The following SH3GL2 variants were observed in gnomAD, a reference collection of about 807,000 sequenced individuals.
The protein encoded by SH3GL2 is endophilin-A1.
SH3GL2 carries 24 observed loss-of-function variants against 46.0 expected under a neutral mutation model. That is an observed-to-expected ratio of 0.52 (90% CI 0.38 to 0.73). SH3GL2 has a LOEUF of 0.73. SH3GL2 is among the 30% of genes least tolerant of loss of function. The pLI is 0.00. For synonymous variants in SH3GL2, 196 were observed against 147.1 expected (o/e 1.33, Z -2.40); for missense variants, 413 against 424.2 (o/e 0.97, Z 0.23).
intron 1 of SH3GL2, among the ~76,000 whole-genome samples, chr9:17,738,866 A>G (rs1456550005): frequency 6.6e-6 from 1 of 151,986 alleles, no homozygotes; most frequent in Non-Finnish European, 1.5e-5. Flanking sequence ...GCCCACCCAC[A>G]TTATGAAGGA....
intron 1 of SH3GL2, among the ~76,000 whole-genome samples, chr9:17,602,682 A>C (rs1417416049): frequency 1.3e-5 from 2 of 152,236 alleles, no homozygotes; most frequent in East Asian, 3.9e-4. Flanking sequence ...TTGATTGTCA[A>C]ATTTTCCTCT....
At chr9:17,618,383 A>T (rs1352066403) in intron 1 of SH3GL2, among the ~76,000 whole-genome samples, 1 of 152,180 alleles carries the variant, frequency 6.6e-6, no homozygotes. Flanking sequence ...TACTTTCTTC[A>T]TACATGGAGA....
intron 7 of SH3GL2, 23 bp from the exon 8 acceptor site, chr9:17,793,344 C>T (rs375002837): frequency 6.3e-7 from 1 of 1,598,716 alleles, no homozygotes; most frequent in Non-Finnish European, 8.5e-7. Context: ...ATAACCTTTC[C>T]ACCACTTTTC....
chr9:17,707,051 T>C (rs545229033), intron 1 of SH3GL2, among the ~76,000 whole-genome samples: 1 of 152,142 alleles, frequency 6.6e-6, no homozygotes, highest in South Asian at 2.1e-4. Context: ...CAATCCTTGC[T>C]TAACCCATGC....
chr9:17,657,619 G>C (rs1199362903), intron 1 of SH3GL2, among the ~76,000 whole-genome samples: 2 of 152,230 alleles, frequency 1.3e-5, no homozygotes, highest in Non-Finnish European at 2.9e-5. Context: ...TAATGTGCCT[G>C]AATGAGCTTT....
Position 17,787,382 on chromosome 9 carries a change from C to T in SH3GL2, c.334C>T (p.Pro112Ser), listed in dbSNP as rs1010309536. The change falls in exon 5 of 9, where the codon CCA becomes TCA. Residue 112 changes from proline to serine, a missense_variant and splice_region_variant. By Grantham distance (74) the Pro-to-Ser change is moderately conservative (BLOSUM62 -1). Around this residue, in one of 3 missense-constraint regions of SH3GL2, gnomAD observed 160 missense variants for 192.3 expected, o/e 0.83. Coordinates refer to ENST00000380607, the MANE Select transcript of SH3GL2 (RefSeq NM_003026.5). The stretch of plus-strand genomic sequence containing the variant: ...GAAAGAGCTTTATTCTCTCCTAGGC[C>T]CAGCACTTGGTGAGGTCGGGGAGGC... ...RELGDDCNFG[P>S]ALGEVGEAMR... 11 of 1,612,586 alleles carry T rather than the reference C, an allele frequency of 6.8e-6. No individual in the cohort carries two copies. Among genetic ancestry groups the T allele is most frequent in the Non-Finnish European group, 9.3e-6 (11 of 1,179,074 alleles).
intron 3 of SH3GL2, among the ~76,000 whole-genome samples, chr9:17,770,724 T>C (rs1300676968): frequency 2.0e-5 from 3 of 152,198 alleles, no homozygotes; most frequent in African/African-American, 7.2e-5. Context: ...TGCCATGTTA[T>C]GACAGCCCAA....
In SH3GL2 at chr9:17,694,519, A is replaced by G. The variant is rs190864044; in HGVS notation, c.46-52547A>G. On this transcript the variant is annotated intron_variant, in intron 1 of 8. Transcript: ENST00000380607. ...ACTTGATGTACCTGAAGCTGCTAAC[A>G]GGATTGCCTGTCATTTAGCTTTCAG... 2.1e-3 allele frequency among the ~76,000 whole-genome samples: 327 copies of G among 152,308 alleles called. 2 individuals carry two copies. The highest frequency in any genetic ancestry group is 7.4e-3 in the African/African-American group (306 of 41,574).
intron 3 of SH3GL2, among the ~76,000 whole-genome samples, chr9:17,764,372 TA>T: frequency 6.6e-6 from 1 of 152,248 alleles, no homozygotes; most frequent in East Asian, 1.9e-4. Context: ...AGGTAACTGG[TA>T]AAGTTGAGAG....
chr9:17,643,242 C>A (rs987708487), intron 1 of SH3GL2, among the ~76,000 whole-genome samples: 1 of 152,014 alleles, frequency 6.6e-6, no homozygotes, highest in Non-Finnish European at 1.5e-5. Context: ...TGATTTTGTA[C>A]CCTGAGACTT....
chr9:17,735,992 G>A (rs1049285669), intron 1 of SH3GL2, among the ~76,000 whole-genome samples: 11 of 152,062 alleles, frequency 7.2e-5, no homozygotes, highest in African/African-American at 1.9e-4. Flanking sequence ...ACAATTTCTC[G>A]TTTGATTCAG....
intron 4 of SH3GL2, among the ~76,000 whole-genome samples, chr9:17,787,033 C>T (rs1020713429): frequency 5.3e-5 from 8 of 152,170 alleles, no homozygotes; most frequent in African/African-American, 1.9e-4. Context: ...TGTGGGATCT[C>T]CTTCCTGGTT....
At chr9:17,753,145 T>TA (rs1427909760) in intron 2 of SH3GL2, among the ~76,000 whole-genome samples, 1 of 152,218 alleles carries the variant, frequency 6.6e-6, no homozygotes, top group African/African-American at 2.4e-5. Context: ...TCTTTGCTAT[T>TA]ACGAATAGTG....
chr9:17,752,868 A>G (rs1358267552), intron 2 of SH3GL2, among the ~76,000 whole-genome samples: 1 of 151,274 alleles, frequency 6.6e-6, no homozygotes, highest in East Asian at 2.0e-4. Flanking sequence ...CCCACCCTCC[A>G]CCCTCCAATA....
intron 2 of SH3GL2, chr9:17,755,862 AC>A: frequency 5.7e-6 from 4 of 707,936 alleles, no homozygotes; most frequent in Non-Finnish European, 6.9e-6. Context: ...TGGAAGAGTA[AC>A]CCCATTCTAG....
At chr9:17,760,747 G>T (rs1036427287) in intron 2 of SH3GL2, among the ~76,000 whole-genome samples, 2 of 152,124 alleles carry the variant, frequency 1.3e-5, no homozygotes, top group Non-Finnish European at 2.9e-5. Context: ...ATGCTGATAA[G>T]AAAAGGATTT....
intron 1 of SH3GL2, among the ~76,000 whole-genome samples, chr9:17,738,573 TATAGAG>T (rs1822418744): frequency 2.1e-5 from 1 of 47,392 alleles, no homozygotes; most frequent in African/African-American, 5.5e-5. Flanking sequence ...TACATATATA[TATAGAG>T]AGAGAGAGAG....
chr9:17,631,370 G>C (rs1232313747), intron 1 of SH3GL2, among the ~76,000 whole-genome samples: 1 of 152,164 alleles, frequency 6.6e-6, no homozygotes, highest in Non-Finnish European at 1.5e-5. Context: ...ATCCCCTCTT[G>C]CTCAGGCATA....
chr9:17,601,359 TTGCTGC>T (rs1281269677), intron 1 of SH3GL2, among the ~76,000 whole-genome samples: 6 of 152,168 alleles, frequency 3.9e-5, no homozygotes, highest in African/African-American at 1.4e-4. Context: ...TAGAAGCAGC[TTGCTGC>T]TTTCCATGAA....
Sources: allele counts gnomAD v4.1 joint callset (sites outside exome capture counted in the v4.1 genomes callset), GRCh38; gene constraint gnomAD v4.1.1; regional missense constraint gnomAD v4.1.1; transcripts MANE v1.5; gene names NCBI Gene and HGNC (gene_info 2026-07-23, HGNC 2026-07-21).